SLC24A2: variants seen among roughly 807,000 people sequenced by gnomAD.
SLC24A2 encodes the protein sodium/potassium/calcium exchanger 2.
SLC24A2 carries 36 observed loss-of-function variants against 62.0 expected under a neutral mutation model. That is an observed-to-expected ratio of 0.58 (90% CI 0.44 to 0.77). SLC24A2 has a LOEUF of 0.77. Ranked by LOEUF, SLC24A2 falls within the 30% of genes least tolerant of loss-of-function variation. The pLI, the probability that SLC24A2 is intolerant of heterozygous loss-of-function variation, is 0.00. For missense variants in SLC24A2, 846 were observed against 817.9 expected, an observed-to-expected ratio of 1.03 and a Z score of -0.42; for synonymous variants, 358 against 294.0, an observed-to-expected ratio of 1.22 and a Z score of -2.23.
At chr9:20,083,598 T>C in the SLC24A2 span, among the ~76,000 whole-genome samples, 1 of 152,252 alleles carries the variant, frequency 6.6e-6, no homozygotes, top group Non-Finnish European at 1.5e-5. Flanking sequence ...TGCCAGTGTC[T>C]GGAAATCATT....
chr9:20,008,849 G>A, the SLC24A2 span, among the ~76,000 whole-genome samples: 141 of 152,268 alleles, frequency 9.3e-4, no homozygotes, highest in Middle Eastern at 3.4e-3. Flanking sequence ...AACATGCAGA[G>A]AGTGATGTTG....
the SLC24A2 span, among the ~76,000 whole-genome samples, chr9:19,937,436 T>C: frequency 1.3e-5 from 2 of 152,218 alleles, no homozygotes; most frequent in Non-Finnish European, 2.9e-5. Flanking sequence ...AATAATTCCA[T>C]GAGAACTCAG....
chr9:19,512,879 G>C lies in SLC24A2; in HGVS notation c.*3274C>G, dbSNP rs185761173. On this transcript the variant is annotated 3_prime_UTR_variant, in exon 11 of 11. Transcript: ENST00000341998. ...ATTCTTTGCCTCTATATCAGCATTAGGGATATGGCTGACCGATTTCCTTAA... is the reference window on the plus strand; with the variant it reads ...ATTCTTTGCCTCTATATCAGCATTACGGATATGGCTGACCGATTTCCTTAA... 1.6e-4 allele frequency: 25 copies of C among 152,038 alleles called. No individual in the cohort carries two copies. The highest frequency in any genetic ancestry group is 1.6e-3 in the Admixed American group (24 of 15,262). The allele number at this position is 152,038 out of a possible 1,614,324, so 9.4% of individuals were successfully genotyped here.
At chr9:19,755,628 T>C (rs1225696036) in intron 2 of SLC24A2, among the ~76,000 whole-genome samples, 3 of 152,070 alleles carry the variant, frequency 2.0e-5, no homozygotes, top group Non-Finnish European at 4.4e-5. Context: ...GGGCAAATGC[T>C]CCATTTTCCT....
At chr9:20,214,849 T>C in the SLC24A2 span, among the ~76,000 whole-genome samples, 1 of 152,200 alleles carries the variant, frequency 6.6e-6, no homozygotes, top group Non-Finnish European at 1.5e-5. Context: ...AAACAACTGA[T>C]TGAAGCAATG....
the SLC24A2 span, among the ~76,000 whole-genome samples, chr9:20,095,053 A>G: frequency 1.3e-5 from 2 of 152,314 alleles, no homozygotes; most frequent in South Asian, 4.1e-4. Flanking sequence ...ACCAAAAAAT[A>G]TTAAAACAAA....
chr9:19,803,870 ATAACT>A, the SLC24A2 span, among the ~76,000 whole-genome samples: 61 of 152,362 alleles, frequency 4.0e-4, 1 homozygote, highest in African/African-American at 1.4e-3. Flanking sequence ...TATTAATAAA[ATAACT>A]TAATTGAGAT....
At chr9:19,540,221 GT>G (rs1263022263) in intron 8 of SLC24A2, among the ~76,000 whole-genome samples, 1 of 106,846 alleles carries the variant, frequency 9.4e-6, no homozygotes, top group Non-Finnish European at 1.8e-5. Flanking sequence ...AGTTAATATT[GT>G]TATGTGTGAA....
At chr9:19,854,693 G>T in the SLC24A2 span, among the ~76,000 whole-genome samples, 1 of 152,124 alleles carries the variant, frequency 6.6e-6, no homozygotes, top group East Asian at 1.9e-4. Flanking sequence ...CATTTGCTGA[G>T]GAATGTTTTA....
At chr9:20,229,236 C>G in the SLC24A2 span, among the ~76,000 whole-genome samples, 2 of 152,084 alleles carry the variant, frequency 1.3e-5, no homozygotes, top group African/African-American at 4.8e-5. Context: ...AGTCTGATGC[C>G]CAAGGTTCAA....
At chr9:20,183,203 G>A in the SLC24A2 span, among the ~76,000 whole-genome samples, 5 of 152,202 alleles carry the variant, frequency 3.3e-5, no homozygotes, top group African/African-American at 9.7e-5. Flanking sequence ...CCAAAGATAG[G>A]TGTGGGGAGA....
chr9:19,679,378 T>A (rs73430031), intron 2 of SLC24A2, among the ~76,000 whole-genome samples: 4,063 of 152,234 alleles, frequency 0.027, 189 homozygotes, highest in African/African-American at 0.093. Flanking sequence ...AATGAGATAT[T>A]TGCCATGTGT....
the SLC24A2 span, among the ~76,000 whole-genome samples, chr9:20,094,620 T>A: frequency 6.6e-6 from 1 of 152,182 alleles, no homozygotes; most frequent in Non-Finnish European, 1.5e-5. Context: ...TGTACTAGAT[T>A]TGTGTATGTC....
the SLC24A2 span, among the ~76,000 whole-genome samples, chr9:20,197,083 G>A: frequency 5.7e-4 from 86 of 152,184 alleles, no homozygotes; most frequent in African/African-American, 2.0e-3. Context: ...TATGTGATGG[G>A]GGGATTCTTT....
the SLC24A2 span, among the ~76,000 whole-genome samples, chr9:20,087,071 T>TA: frequency 6.6e-6 from 1 of 152,234 alleles, no homozygotes; most frequent in South Asian, 2.1e-4. Flanking sequence ...GGACCATATA[T>TA]ATCTGGCTCT....
At chr9:20,218,499 C>A in the SLC24A2 span, among the ~76,000 whole-genome samples, 1 of 151,990 alleles carries the variant, frequency 6.6e-6, no homozygotes. Context: ...TAAAACCCAC[C>A]CTGGAAGAGT....
chr9:20,144,471 C>T, the SLC24A2 span, among the ~76,000 whole-genome samples: 2 of 152,180 alleles, frequency 1.3e-5, no homozygotes, highest in Non-Finnish European at 2.9e-5. Context: ...TCTTTCCTGT[C>T]GGGCTGTTTA....
chr9:20,004,046 T>C, the SLC24A2 span, among the ~76,000 whole-genome samples: 1 of 152,182 alleles, frequency 6.6e-6, no homozygotes, highest in East Asian at 1.9e-4. Context: ...AATTTTCTTT[T>C]CTTTGCCCTG....
the SLC24A2 span, among the ~76,000 whole-genome samples, chr9:20,146,384 A>G: frequency 6.6e-6 from 1 of 152,136 alleles, no homozygotes; most frequent in Non-Finnish European, 1.5e-5. Context: ...AGCAAGTGCC[A>G]CATGCTCTCT....
Sources: allele counts gnomAD v4.1 joint callset (sites outside exome capture counted in the v4.1 genomes callset), GRCh38; gene constraint gnomAD v4.1.1; transcripts MANE v1.5; gene names NCBI Gene and HGNC (gene_info 2026-07-23, HGNC 2026-07-21).